Variants in PDP1 observed in about 807,000 individuals in gnomAD.
PDP1 encodes pyruvate dehydrogenase phosphatase catalytic subunit 1.
Under a neutral mutation model 37.1 loss-of-function variants are expected in PDP1, and 14 were observed. The observed-to-expected ratio is 0.38, with a 90% confidence interval of 0.25 to 0.59. The LOEUF is 0.59. PDP1 is among the 20% of genes least tolerant of loss of function. PDP1 has a pLI of 0.67. For synonymous variants in PDP1, 251 were observed against 243.3 expected (o/e 1.03, Z -0.29); for missense variants, 544 against 655.3 (o/e 0.83, Z 1.85).
At position 93,923,936 on chromosome 8, in the gene PDP1, T is replaced by G. The variant is rs1586158625; in HGVS notation, c.*263T>G. 2.0e-5 allele frequency: 9 copies of G among 440,204 alleles called. No individual in the cohort carries two copies. Among genetic ancestry groups the G allele is most frequent in the East Asian group, 9.7e-5 (2 of 20,534 alleles). The allele number at this position is 440,204 out of a possible 1,614,324, so 27.3% of individuals were successfully genotyped here. On this transcript the variant is annotated 3_prime_UTR_variant, in exon 2 of 2. Coordinates refer to ENST00000297598, the MANE Select transcript of PDP1 (RefSeq NM_018444.4). The surrounding 1 kb of genome is among the most constrained non-coding windows in gnomAD (Gnocchi z 4.3). ...TCACAGGTGTCTTGAAACATTAGCT[T>G]CTTTTACCAACCTGAGAAAATTAGG...
At chr8:93,921,431 C>T in intron 1 of PDP1, 1 of 510,344 alleles carries the variant, frequency 2.0e-6, no homozygotes, top group Non-Finnish European at 2.5e-6. Flanking sequence ...ATATATGTTA[C>T]AATGCATATT....
At chr8:93,919,506 C>A (rs1279999160) in intron 1 of PDP1, among the ~76,000 whole-genome samples, 1 of 114,630 alleles carries the variant, frequency 8.7e-6, no homozygotes, top group Non-Finnish European at 1.8e-5. Flanking sequence ...TCCCCCCCCC[C>A]GGCAAAAAAA....
At chr8:93,920,393 T>G (rs1292478536) in intron 1 of PDP1, among the ~76,000 whole-genome samples, 1 of 152,240 alleles carries the variant, frequency 6.6e-6, no homozygotes, top group African/African-American at 2.4e-5. Context: ...GGTTTTATTT[T>G]CTGTGTTCCT....
rs1810366902 is a variant in PDP1 at position 93,923,946 on chromosome 8, A to G, written c.*273A>G. Reference sequence around the variant, plus strand: ...CTTGAAACATTAGCTTCTTTTACCAACCTGAGAAAATTAGGATGACCTGGC... The same window carrying G: ...CTTGAAACATTAGCTTCTTTTACCAGCCTGAGAAAATTAGGATGACCTGGC... On this transcript the variant is annotated 3_prime_UTR_variant, in exon 2 of 2. Transcript: ENST00000297598. This position sits in a 1 kb window ranked among gnomAD's most constrained non-coding sequence, Gnocchi z 4.3. The G allele has an allele frequency of 2.4e-6, 1 of 417,918 alleles. No individual in the cohort carries two copies. The highest frequency in any genetic ancestry group is 2.0e-5 in the African/African-American group (1 of 49,138). The allele number at this position is 417,918 out of a possible 1,614,324, so 25.9% of individuals were successfully genotyped here.
chr8:93,920,799 T>A, intron 1 of PDP1: 1 of 705,588 alleles, frequency 1.4e-6, no homozygotes, highest in Non-Finnish European at 1.7e-6. Flanking sequence ...AATTGACACA[T>A]AATATTATAT....
chr8:93,921,436 C>T (rs1810266001), intron 1 of PDP1: 2 of 471,782 alleles, frequency 4.2e-6, no homozygotes, highest in Non-Finnish European at 2.8e-6. Context: ...TGTTACAATG[C>T]ATATTACTGT....
In PDP1 at chr8:93,922,089, T is replaced by C. The variant is rs1165035821; in HGVS notation, c.30T>C (p.Pro10=). Residue 10 remains proline (P), a synonymous_variant, in exon 2 of 2, where the codon CCT becomes CCC. Coordinates refer to ENST00000297598, the MANE Select transcript of PDP1 (RefSeq NM_018444.4). The surrounding 1 kb of genome is among the most constrained non-coding windows in gnomAD (Gnocchi z 4.0). MPAPTQLFF[P]LIRNCELSRI... ...CAGCACCAACTCAACTGTTTTTTCC[T>C]CTCATCCGTAACTGTGAACTGAGCA... is the stretch of plus-strand genomic sequence containing the variant. 4 of 1,613,112 alleles carry C rather than the reference T, an allele frequency of 2.5e-6. No homozygotes were observed. Among genetic ancestry groups the C allele is most frequent in the Admixed American group, 1.7e-5 (1 of 59,950 alleles).
At position 93,917,077 on chromosome 8, in the gene PDP1, C is replaced by A; in HGVS notation, c.-47C>A. Reference sequence around the variant, plus strand: ...AGAATCGTTTGGTCTCCTGCCGTGCCCGGTTCGTATTCCCTACTCCCTGCC... The same window carrying A: ...AGAATCGTTTGGTCTCCTGCCGTGCACGGTTCGTATTCCCTACTCCCTGCC... On this transcript the variant is annotated splice_region_variant and 5_prime_UTR_variant, in exon 1 of 2. Transcript: ENST00000297598. 2.1e-6 allele frequency: 1 copy of A among 479,354 alleles called. No individual in the cohort carries two copies. Among genetic ancestry groups the A allele is most frequent in the Non-Finnish European group, 4.1e-6 (1 of 242,016 alleles). The allele number at this position is 479,354 out of a possible 1,614,324, so 29.7% of individuals were successfully genotyped here. A position where few individuals can be genotyped will look rare whatever the true frequency, so the allele number is the denominator to read the frequency against.
At chr8:93,919,215 C>G (rs1320853116) in intron 1 of PDP1, 2 of 706,674 alleles carry the variant, frequency 2.8e-6, no homozygotes, top group African/African-American at 3.9e-5. Context: ...ATTTTGCAGT[C>G]AATTACAAAA....
Position 93,922,187 on chromosome 8 carries a change from G to T in PDP1, c.128G>T (p.Arg43Leu). 2 of 1,614,108 alleles carry T rather than the reference G, an allele frequency of 1.2e-6. No individual in the cohort carries two copies. The highest frequency in any genetic ancestry group is 2.2e-5 in the South Asian group (2 of 91,044). Residue 43 changes from arginine to leucine, a missense_variant, in exon 2 of 2, where the codon CGA (arginine) becomes CTA (leucine). Physicochemically the swap from Arg to Leu is moderately radical, Grantham distance 102. Coordinates refer to ENST00000297598, the MANE Select transcript of PDP1 (RefSeq NM_018444.4). The surrounding 1 kb of genome is among the most constrained non-coding windows in gnomAD (Gnocchi z 4.0). ...TCCTCATCGTACATTCCTCAGAGTC[G>T]ACTGAGATACACACCTCATCCAGCA... Reference protein sequence around the residue: ...CCSSSYIPQSRLRYTPHPAYA... With the variant: ...CCSSSYIPQSLLRYTPHPAYA...
chr8:93,920,723 CTTTTTTT>C, intron 1 of PDP1: 1 of 780,424 alleles, frequency 1.3e-6, no homozygotes, highest in Non-Finnish European at 1.5e-6. Flanking sequence ...AAGTAAATAC[CTTTTTTT>C]TTTTTTTTTA....
chr8:93,917,294 G>A (rs963688996), intron 1 of PDP1: 2 of 151,446 alleles, frequency 1.3e-5, no homozygotes, highest in Non-Finnish European at 3.0e-5. Context: ...GGCGGGGGCG[G>A]GGGCGCCGTG....
intron 1 of PDP1, among the ~76,000 whole-genome samples, chr8:93,919,325 C>T (rs1249441463): frequency 6.6e-6 from 1 of 152,108 alleles, no homozygotes; most frequent in Non-Finnish European, 1.5e-5. Flanking sequence ...GTCAGGAGTT[C>T]GAGACCAACC....
chr8:93,925,321 GTT>G lies in PDP1; in HGVS notation c.*1660_*1661del, dbSNP rs60316663. 23 of 151,816 alleles carry G rather than the reference GTT, an allele frequency of 1.5e-4. No homozygotes were observed. Among genetic ancestry groups the G allele is most frequent in the Admixed American group, 3.5e-4 (5 of 14,160 alleles). 9.4% of individuals were successfully genotyped at this position (151,816 alleles called of 1,614,324 possible). The stretch of plus-strand genomic sequence containing the variant: ...GAGGTGTTTTTGTTTTTATTTGTGT[GTT>G]TTTTTTTTTTTAAGTCAGCTTGGAA... On this transcript the variant is annotated 3_prime_UTR_variant, in exon 2 of 2. Transcript: ENST00000297598.
intron 1 of PDP1, chr8:93,917,681 T>G: frequency 1.1e-6 from 1 of 882,982 alleles, no homozygotes; most frequent in Non-Finnish European, 1.7e-6. Flanking sequence ...GTTGGTTTGG[T>G]TGGCTTCCTT....
Position 93,922,130 on chromosome 8 carries a change from C to T in PDP1, c.71C>T (p.Ala24Val). The T allele has an allele frequency of 1.9e-6, 3 of 1,613,766 alleles. No homozygotes were observed. The highest frequency in any genetic ancestry group is 2.5e-6 in the Non-Finnish European group (3 of 1,179,636). ...NCELSRIYGT[A>V]CYCHHKHLCC... ...GAACTGAGCAGGATCTATGGCACTG[C>T]ATGTTACTGCCACCACAAACATCTC... Residue 24 changes from alanine to valine, a missense_variant, in exon 2 of 2, where the codon GCA (alanine) becomes GTA (valine). Physicochemically the swap from Ala to Val is moderately conservative, Grantham distance 64. This residue lies in a region of PDP1 where 342 missense variants were observed against 414.0 expected (regional missense o/e 0.83). Coordinates refer to ENST00000297598, the MANE Select transcript of PDP1 (RefSeq NM_018444.4). This position sits in a 1 kb window ranked among gnomAD's most constrained non-coding sequence, Gnocchi z 4.0.
rs759361135 is a variant in PDP1, at chr8:93,922,437, G to C, written c.378G>C (p.Arg126=). ...QLPANAPIED[R]RSAATCLQTR... ...CTGCAAATGCACCCATTGAGGACCG[G>C]AGAAGTGCAGCAACCTGCTTGCAGA... Residue 126 remains arginine (R), a synonymous_variant, in exon 2 of 2, where the codon CGG becomes CGC. Coordinates refer to ENST00000297598, the MANE Select transcript of PDP1 (RefSeq NM_018444.4). This position sits in a 1 kb window ranked among gnomAD's most constrained non-coding sequence, Gnocchi z 4.0. 2 of 1,614,080 alleles carry C rather than the reference G, an allele frequency of 1.2e-6. No individual in the cohort carries two copies. The highest frequency in any genetic ancestry group is 1.7e-6 in the Non-Finnish European group (2 of 1,179,944).
Position 93,923,497 on chromosome 8 carries a change from A to T in PDP1, c.1438A>T (p.Thr480Ser). 2 of 1,605,938 alleles carry T rather than the reference A, an allele frequency of 1.2e-6. No individual in the cohort carries two copies. The highest frequency in any genetic ancestry group is 1.7e-6 in the Non-Finnish European group (2 of 1,173,264). ...GGTATTTGAGGATCAGAACGCAGCAACCCATCTCATTCGCCACGCTGTGGG... is the reference window on the plus strand; with the variant it reads ...GGTATTTGAGGATCAGAACGCAGCATCCCATCTCATTCGCCACGCTGTGGG... ...SSVFEDQNAA[T>S]HLIRHAVGNN... is the part of the protein sequence containing the mutation. The change falls in exon 2 of 2, where the codon ACC becomes TCC. Residue 480 changes from threonine to serine, a missense_variant. Transcript: ENST00000297598. The surrounding 1 kb of genome is among the most constrained non-coding windows in gnomAD (Gnocchi z 4.3).
At position 93,922,403 on chromosome 8, in the gene PDP1, A is replaced by G. The variant is rs1349982297; in HGVS notation, c.344A>G (p.Asn115Ser). 5.0e-6 allele frequency: 8 copies of G among 1,614,066 alleles called. No homozygotes were observed. The highest frequency in any genetic ancestry group is 2.2e-5 in the East Asian group (1 of 44,896). Residue 115 changes from asparagine (N) to serine (S), a missense_variant, in exon 2 of 2, where the codon AAT becomes AGT. Around this residue, in one of 5 missense-constraint regions of PDP1, gnomAD observed 342 missense variants for 414.0 expected, o/e 0.83. Coordinates refer to ENST00000297598, the MANE Select transcript of PDP1 (RefSeq NM_018444.4). This position sits in a 1 kb window ranked among gnomAD's most constrained non-coding sequence, Gnocchi z 4.0. ...AGTTCTATCCTTGGATTTGACAGCAATCAGCTGCCTGCAAATGCACCCATT... is the reference window on the plus strand; with the variant it reads ...AGTTCTATCCTTGGATTTGACAGCAGTCAGCTGCCTGCAAATGCACCCATT... ...NVSSILGFDS[N>S]QLPANAPIED...
Sources: gnomAD v4.1 joint callset for allele counts (sites outside exome capture counted in the v4.1 genomes callset) on GRCh38, gnomAD v4.1.1 for gene constraint, gnomAD v4.1.1 regional missense constraint, Gnocchi (gnomAD v3.1) non-coding constraint, MANE v1.5 for transcripts, NCBI Gene and HGNC (gene_info 2026-07-23, HGNC 2026-07-21) for gene names.